Variants in EPHA6 observed in about 807,000 individuals in gnomAD.
EPHA6 encodes the protein EPH receptor A6.
A neutral mutation model predicts 112.0 loss-of-function variants in EPHA6; 50 were observed. The observed-to-expected ratio is 0.45, with a 90% confidence interval of 0.36 to 0.56. The LOEUF is 0.56. EPHA6 is among the 20% of genes least tolerant of loss of function. The pLI, the probability that EPHA6 is intolerant of heterozygous loss-of-function variation, is 0.00. For synonymous variants in EPHA6, 529 were observed against 490.7 expected (o/e 1.08, Z -1.03); for missense variants, 1,280 against 1,417.4 (o/e 0.90, Z 1.56).
chr3:97,462,713 A>T (rs2090930634), intron 7 of EPHA6, among the ~76,000 whole-genome samples: 1 of 152,198 alleles, frequency 6.6e-6, no homozygotes, highest in Non-Finnish European at 1.5e-5. Context: ...TTTTCAAATT[A>T]TTGGATAGAC....
intron 2 of EPHA6, among the ~76,000 whole-genome samples, chr3:96,890,403 A>G (rs2037885014): frequency 6.6e-6 from 1 of 152,220 alleles, no homozygotes; most frequent in South Asian, 2.1e-4. Flanking sequence ...TAGTCAATAG[A>G]CATATGAAAA....
At chr3:97,564,652 A>G (rs1400695135) in intron 11 of EPHA6, among the ~76,000 whole-genome samples, 1 of 152,156 alleles carries the variant, frequency 6.6e-6, no homozygotes, top group Non-Finnish European at 1.5e-5. Flanking sequence ...TTTTTTCCTA[A>G]AAGGTAAACA....
At chr3:96,964,135 C>T (rs2042040613) in intron 2 of EPHA6, among the ~76,000 whole-genome samples, 1 of 152,074 alleles carries the variant, frequency 6.6e-6, no homozygotes, top group African/African-American at 2.4e-5. Flanking sequence ...CATCCACCCC[C>T]TCAGGCGTTT....
intron 2 of EPHA6, among the ~76,000 whole-genome samples, chr3:96,893,750 T>C (rs2038108730): frequency 1.3e-5 from 2 of 152,174 alleles, no homozygotes; most frequent in African/African-American, 2.4e-5. Flanking sequence ...CTCAGCACCA[T>C]GACAGTTATG....
In EPHA6 at chr3:97,757,804, T is replaced by G. The variant is rs2036062106; in HGVS notation, c.*9103T>G. On this transcript the variant is annotated 3_prime_UTR_variant, in exon 18 of 18. Coordinates refer to ENST00000389672, the MANE Select transcript of EPHA6 (RefSeq NM_001080448.3). Reference sequence around the variant, plus strand: ...CAAGAAGATTGCCTTCTCTTTCCAGTTGTTTTAAGTATTTTAAAAAAGAGC... The same window carrying G: ...CAAGAAGATTGCCTTCTCTTTCCAGGTGTTTTAAGTATTTTAAAAAAGAGC... Among the ~76,000 whole-genome samples, 1 of 151,796 alleles carries G rather than the reference T, an allele frequency of 6.6e-6. No homozygotes were observed. The highest frequency in any genetic ancestry group is 6.6e-5 in the Admixed American group (1 of 15,252).
chr3:97,690,631 C>A (rs2032598368), intron 14 of EPHA6, among the ~76,000 whole-genome samples: 1 of 152,094 alleles, frequency 6.6e-6, no homozygotes, highest in African/African-American at 2.4e-5. Context: ...CCATGCCTGG[C>A]TAATTTTTGT....
chr3:97,062,621 T>C (rs1465071569), intron 3 of EPHA6, among the ~76,000 whole-genome samples: 2 of 152,154 alleles, frequency 1.3e-5, no homozygotes, highest in African/African-American at 2.4e-5. Context: ...TGGGAGATAA[T>C]TGAATGATGT....
chr3:97,674,750 G>A (rs1236219460), intron 14 of EPHA6, among the ~76,000 whole-genome samples: 1 of 152,232 alleles, frequency 6.6e-6, no homozygotes, highest in African/African-American at 2.4e-5. Flanking sequence ...CATTGTGCTT[G>A]TTATTCACTG....
rs1383913600 is a variant in EPHA6, at chr3:97,475,366, G to A, written c.1909G>A (p.Ala637Thr). The A allele has an allele frequency of 6.2e-7, 1 of 1,609,070 alleles. No homozygotes were observed. Among genetic ancestry groups the A allele is most frequent in the East Asian group, 2.2e-5 (1 of 44,762 alleles). ...CTCTGTTTCAGCTTCTGACATGGCA[G>A]CAGAACAAGGACAGATTCTCGTGAT... ...ETGDETSDMA[A>T]EQGQILVIAT... is the part of the protein sequence containing the mutation. The change falls in exon 8 of 18, where the codon GCA becomes ACA. Residue 637 changes from alanine (A) to threonine (T), a missense_variant. Ala to Thr is a moderately conservative substitution (Grantham distance 58, BLOSUM62 0). Around this residue, in one of 4 missense-constraint regions of EPHA6, gnomAD observed 878 missense variants for 999.7 expected, o/e 0.88. Transcript: ENST00000389672.
chr3:97,742,299 A>G (rs1441985276), intron 16 of EPHA6, among the ~76,000 whole-genome samples: 1 of 152,062 alleles, frequency 6.6e-6, no homozygotes, highest in Non-Finnish European at 1.5e-5. Flanking sequence ...CTGATCCTGG[A>G]TTACTTCCTC....
At chr3:97,311,252 A>G (rs969044678) in intron 5 of EPHA6, among the ~76,000 whole-genome samples, 11 of 151,716 alleles carry the variant, frequency 7.3e-5, no homozygotes, top group Non-Finnish European at 1.3e-4. Context: ...AGGTGTTAAA[A>G]TGGATGAATC....
chr3:97,726,772 C>T (rs2034789207), intron 15 of EPHA6, among the ~76,000 whole-genome samples: 1 of 151,918 alleles, frequency 6.6e-6, no homozygotes, highest in Non-Finnish European at 1.5e-5. Flanking sequence ...AAGATGATAC[C>T]AAGGGCACCG....
chr3:97,595,494 A>C lies in EPHA6; in HGVS notation c.2512+2757A>C, dbSNP rs187428868. Among the ~76,000 whole-genome samples, 299 of 152,084 alleles carry C rather than the reference A, an allele frequency of 2.0e-3. 1 individual carries two copies. The highest frequency in any genetic ancestry group is 6.7e-3 in the African/African-American group (280 of 41,502). On this transcript the variant is annotated intron_variant, in intron 12 of 17. Transcript: ENST00000389672. The stretch of plus-strand genomic sequence containing the variant: ...CGCCATCTCTACTAAAAATACAAAA[A>C]ATTAGCTGGGCATGGTGGCGGGCAC...
In EPHA6 at chr3:96,866,840, C is replaced by T; in HGVS notation, c.401C>T (p.Thr134Ile). 1 of 1,480,086 alleles carries T rather than the reference C, an allele frequency of 6.8e-7. No homozygotes were observed. Among genetic ancestry groups the T allele is most frequent in the Non-Finnish European group, 9.0e-7 (1 of 1,112,386 alleles). 91.7% of individuals were successfully genotyped at this position (1,480,086 alleles called of 1,614,324 possible). The change falls in exon 2 of 18, where the codon ACA becomes ATA. Residue 134 changes from threonine (T) to isoleucine (I), a missense_variant. Coordinates refer to ENST00000389672, the MANE Select transcript of EPHA6 (RefSeq NM_001080448.3). ...VSNNQVVLLDTTTVLGELGWK... is the reference protein window; with the variant it reads ...VSNNQVVLLDITTVLGELGWK... ...TTAATTCCAGTTGTGTTGCTTGATA[C>T]AACAACTGTACTGGGAGAGCTAGGA...
At chr3:96,850,368 C>T (rs72931386) in intron 1 of EPHA6, among the ~76,000 whole-genome samples, 2,018 of 152,116 alleles carry the variant, frequency 0.013, 49 homozygotes, top group African/African-American at 0.045. Context: ...CATATTTCAT[C>T]GCCTGGAAGT....
At chr3:97,184,994 G>A (rs1158887935) in intron 3 of EPHA6, among the ~76,000 whole-genome samples, 3 of 152,096 alleles carry the variant, frequency 2.0e-5, no homozygotes, top group Non-Finnish European at 2.9e-5. Context: ...AATGGTGCTG[G>A]GAAAACTGGC....
intron 14 of EPHA6, among the ~76,000 whole-genome samples, chr3:97,643,015 G>T (rs570577474): frequency 1.5e-4 from 23 of 151,890 alleles, no homozygotes; most frequent in Admixed American, 1.3e-3. Context: ...TGAAATGAAG[G>T]AAAAAATGTT....
At chr3:97,207,756 G>A (rs891142986) in intron 3 of EPHA6, among the ~76,000 whole-genome samples, 2 of 152,084 alleles carry the variant, frequency 1.3e-5, no homozygotes, top group Admixed American at 1.3e-4. Flanking sequence ...TATAATAGAA[G>A]ACTGTCCTTA....
chr3:96,877,306 C>A (rs1377908223), intron 2 of EPHA6, among the ~76,000 whole-genome samples: 2 of 152,040 alleles, frequency 1.3e-5, no homozygotes, highest in Non-Finnish European at 2.9e-5. Flanking sequence ...AATCCATTTT[C>A]TCACTATTCT....
Sources: allele counts gnomAD v4.1 joint callset (sites outside exome capture counted in the v4.1 genomes callset), GRCh38; gene constraint gnomAD v4.1.1; regional missense constraint gnomAD v4.1.1; transcripts MANE v1.5; gene names NCBI Gene and HGNC (gene_info 2026-07-23, HGNC 2026-07-21).